The following BBS9 variants were observed in gnomAD, a reference collection of about 807,000 sequenced individuals.
The protein encoded by BBS9 is Bardet-Biedl syndrome 9, also known as protein PTHB1.
A neutral mutation model predicts 117.7 loss-of-function variants in BBS9; 89 were observed. That is an observed-to-expected ratio of 0.76 (90% CI 0.64 to 0.90). The LOEUF (loss-of-function observed/expected upper bound fraction) is 0.90, where lower values mean the gene tolerates loss of function less well. Among genes scored for constraint, BBS9 ranks in the 40% least tolerant of loss-of-function variants. The pLI is 0.00. For synonymous variants in BBS9, 379 were observed against 370.9 expected (o/e 1.02, Z -0.25); for missense variants, 982 against 1,042.2 (o/e 0.94, Z 0.80).
chr7:33,172,733 T>C (rs981871469), intron 4 of BBS9, among the ~76,000 whole-genome samples: 3 of 152,206 alleles, frequency 2.0e-5, no homozygotes, highest in Admixed American at 1.3e-4. Flanking sequence ...CAAATTTGCA[T>C]TTCTAAAATA....
chr7:33,492,337 GT>G (rs1844102683), intron 19 of BBS9, among the ~76,000 whole-genome samples: 2 of 151,284 alleles, frequency 1.3e-5, no homozygotes, highest in Admixed American at 1.3e-4. Context: ...TACATTTTAA[GT>G]TGTATCTCAT....
rs897485861 is a variant in BBS9, at chr7:33,614,428, G to A, written c.2522-20749G>A. Among the ~76,000 whole-genome samples the A allele has an allele frequency of 2.0e-5, 3 of 151,762 alleles. No individual in the cohort carries two copies. In the South Asian group the frequency reaches 6.2e-4, roughly 31 times the overall value. ...TTAAAATTCCGTCTGTACTTATTTGGTCCCAGATATAAGGAGCTTGGAAAA... is the reference window on the plus strand; with the variant it reads ...TTAAAATTCCGTCTGTACTTATTTGATCCCAGATATAAGGAGCTTGGAAAA... On this transcript the variant is annotated intron_variant, in intron 21 of 21. Transcript: ENST00000671952.
intron 21 of BBS9, among the ~76,000 whole-genome samples, chr7:33,594,502 A>G (rs906808045): frequency 3.3e-4 from 50 of 152,090 alleles, no homozygotes; most frequent in Non-Finnish European, 2.9e-5. Context: ...ACTGAATATC[A>G]TATGTTGGCA....
At chr7:33,219,171 C>T (rs544504573) in intron 5 of BBS9, among the ~76,000 whole-genome samples, 2 of 152,308 alleles carry the variant, frequency 1.3e-5, no homozygotes, top group East Asian at 1.9e-4. Flanking sequence ...AGACCACTGG[C>T]GCTGCGCTCA....
intron 7 of BBS9, among the ~76,000 whole-genome samples, chr7:33,267,076 A>T (rs1361154960): frequency 2.6e-5 from 4 of 152,020 alleles, no homozygotes; most frequent in Non-Finnish European, 5.9e-5. Flanking sequence ...TTTTTGCTTC[A>T]GATATTTTGG....
At chr7:33,631,715 A>G (rs537783693) in intron 21 of BBS9, among the ~76,000 whole-genome samples, 5 of 152,270 alleles carry the variant, frequency 3.3e-5, no homozygotes, top group South Asian at 2.1e-4. Flanking sequence ...TTCCAGCTCG[A>G]TGCAATTTCA....
intron 9 of BBS9, among the ~76,000 whole-genome samples, chr7:33,316,382 T>A (rs949638460): frequency 6.6e-6 from 1 of 151,932 alleles, no homozygotes; most frequent in Non-Finnish European, 1.5e-5. Context: ...TTTTTGTGGA[T>A]TTATGTTTTC....
chr7:33,373,673 G>A (rs1285651561), intron 17 of BBS9, among the ~76,000 whole-genome samples: 3 of 152,172 alleles, frequency 2.0e-5, no homozygotes, highest in Non-Finnish European at 4.4e-5. Context: ...CCTTAGGTAG[G>A]TGTTTGAAAA....
chr7:33,477,122 A>G (rs542699714), intron 19 of BBS9, among the ~76,000 whole-genome samples: 18 of 152,302 alleles, frequency 1.2e-4, no homozygotes, highest in African/African-American at 4.1e-4. Flanking sequence ...CATCCATAAG[A>G]TGGTGATAAT....
chr7:33,497,181 C>G (rs536756044), intron 19 of BBS9, among the ~76,000 whole-genome samples: 10 of 152,272 alleles, frequency 6.6e-5, no homozygotes, highest in African/African-American at 2.4e-4. Flanking sequence ...TAAAGGTGAA[C>G]TGGAGCAATT....
At chr7:33,382,722 ATG>A (rs1245515975) in intron 17 of BBS9, among the ~76,000 whole-genome samples, 1 of 152,156 alleles carries the variant, frequency 6.6e-6, no homozygotes, top group Admixed American at 6.5e-5. Flanking sequence ...GAGAAAGTGA[ATG>A]TAAAGTGCTT....
chr7:33,460,937 T>G (rs1424121509), intron 19 of BBS9, among the ~76,000 whole-genome samples: 1 of 152,082 alleles, frequency 6.6e-6, no homozygotes, highest in Non-Finnish European at 1.5e-5. Flanking sequence ...GAGTTCTCTC[T>G]CTATGGATTT....
At chr7:33,405,453 G>A (rs1484260759) in intron 19 of BBS9, among the ~76,000 whole-genome samples, 5 of 151,970 alleles carry the variant, frequency 3.3e-5, no homozygotes, top group Admixed American at 6.5e-5. Context: ...GGTAGAATTC[G>A]GCTGTGAATC....
chr7:33,342,113 A>C (rs1043947785), intron 11 of BBS9, among the ~76,000 whole-genome samples: 1 of 152,122 alleles, frequency 6.6e-6, no homozygotes, highest in Admixed American at 6.5e-5. Flanking sequence ...GTATATCATG[A>C]GTGTCAAAAG....
chr7:33,553,195 T>G (rs543816245), intron 21 of BBS9, among the ~76,000 whole-genome samples: 2 of 152,340 alleles, frequency 1.3e-5, no homozygotes, highest in Admixed American at 1.3e-4. Flanking sequence ...ACTCATGGTC[T>G]CTTGGACTTT....
At chr7:33,454,798 A>G (rs1350824443) in intron 19 of BBS9, among the ~76,000 whole-genome samples, 1 of 152,170 alleles carries the variant, frequency 6.6e-6, no homozygotes, top group Non-Finnish European at 1.5e-5. Context: ...ATTCTGTGCT[A>G]AAAAGAACAT....
At chr7:33,503,543 T>TA (rs1845739579) in intron 19 of BBS9, among the ~76,000 whole-genome samples, 4 of 55,468 alleles carry the variant, frequency 7.2e-5, no homozygotes, top group Non-Finnish European at 1.2e-4. Context: ...TGACTGATTT[T>TA]CCTATTACAA....
intron 1 of BBS9, among the ~76,000 whole-genome samples, chr7:33,141,080 C>T (rs1427279611): frequency 6.6e-6 from 1 of 151,974 alleles, no homozygotes; most frequent in Non-Finnish European, 1.5e-5. Context: ...TTGTTTTTTT[C>T]GTAGAGACTG....
intron 21 of BBS9, among the ~76,000 whole-genome samples, chr7:33,554,876 G>A (rs1460305011): frequency 2.6e-5 from 4 of 152,090 alleles, no homozygotes; most frequent in Non-Finnish European, 4.4e-5. Context: ...AGCCAACATC[G>A]GAAATTGAAG....
Sources: allele counts gnomAD v4.1 joint callset (sites outside exome capture counted in the v4.1 genomes callset), GRCh38; gene constraint gnomAD v4.1.1; transcripts MANE v1.5; gene names NCBI Gene and HGNC (gene_info 2026-07-23, HGNC 2026-07-21).